FSTL4: variants seen among roughly 807,000 people sequenced by gnomAD.
FSTL4 encodes follistatin-related protein 4.
In FSTL4, 28 loss-of-function variants were observed where a neutral mutation model predicts 78.2. The ratio of observed to expected loss-of-function variants is 0.36; its 90% confidence interval spans 0.27 to 0.49. The LOEUF (loss-of-function observed/expected upper bound fraction) is 0.49. Among genes scored for constraint, FSTL4 ranks in the 20% least tolerant of loss-of-function variants. The probability of loss-of-function intolerance (pLI) is 0.98; values close to 1 mark genes in which losing one functional copy is unlikely to be tolerated. For synonymous variants in FSTL4, 422 were observed against 440.5 expected (o/e 0.96, Z 0.53); for missense variants, 922 against 1,084.9 (o/e 0.85, Z 2.11).
intron 3 of FSTL4, among the ~76,000 whole-genome samples, chr5:133,497,300 G>A (rs1405842475): frequency 6.6e-6 from 1 of 152,182 alleles, no homozygotes; most frequent in African/African-American, 2.4e-5. Context: ...ACCTTGAGAT[G>A]GTCACCTTCC....
chr5:133,592,592 T>C (rs1345947572), intron 2 of FSTL4, among the ~76,000 whole-genome samples: 2 of 152,152 alleles, frequency 1.3e-5, no homozygotes, highest in Non-Finnish European at 2.9e-5. Flanking sequence ...ACCCTCAGTG[T>C]TGGGGGTGAG....
In FSTL4 at chr5:133,422,293, T is replaced by A. The variant is rs148562032; in HGVS notation, c.161-21307A>T. Reference sequence around the variant, plus strand: ...GTGGTACGATATGATCTATGTTCTTTCAAATGCATGCTGGCTGCTGGGTGG... The same window carrying A: ...GTGGTACGATATGATCTATGTTCTTACAAATGCATGCTGGCTGCTGGGTGG... On this transcript the variant is annotated intron_variant, in intron 3 of 15. Coordinates refer to ENST00000265342, the MANE Select transcript of FSTL4 (RefSeq NM_015082.2). Among the ~76,000 whole-genome samples the A allele has an allele frequency of 9.9e-3, 1,507 of 152,136 alleles. 22 individuals are homozygous for A. The highest frequency in any genetic ancestry group is 0.035 in the African/African-American group (1,445 of 41,468).
chr5:133,827,390 T>C, the FSTL4 span, among the ~76,000 whole-genome samples: 18 of 152,164 alleles, frequency 1.2e-4, no homozygotes, highest in African/African-American at 2.4e-4. Context: ...GGGCAGAGAA[T>C]ATTGACTAAG....
chr5:133,481,102 G>A (rs1286640368), intron 3 of FSTL4, among the ~76,000 whole-genome samples: 1 of 152,224 alleles, frequency 6.6e-6, no homozygotes, highest in African/African-American at 2.4e-5. Flanking sequence ...GCTGTGCACT[G>A]CGCTGTTTAC....
At chr5:133,679,345 G>A in the FSTL4 span, among the ~76,000 whole-genome samples, 1 of 152,174 alleles carries the variant, frequency 6.6e-6, no homozygotes, top group Non-Finnish European at 1.5e-5. Context: ...GACCAGCCAA[G>A]TTCCCAGACA....
intron 12 of FSTL4, among the ~76,000 whole-genome samples, chr5:133,219,676 T>G (rs1199944889): frequency 6.6e-6 from 1 of 152,204 alleles, no homozygotes; most frequent in Non-Finnish European, 1.5e-5. Flanking sequence ...ACCACAGTCT[T>G]ATATTGCCTG....
intron 6 of FSTL4, among the ~76,000 whole-genome samples, chr5:133,290,471 G>T (rs1399849212): frequency 6.6e-6 from 1 of 152,204 alleles, no homozygotes; most frequent in Non-Finnish European, 1.5e-5. Flanking sequence ...TCTTCATCTG[G>T]CATCCCTGCT....
chr5:133,472,572 C>T (rs890756850), intron 3 of FSTL4, among the ~76,000 whole-genome samples: 3 of 152,176 alleles, frequency 2.0e-5, no homozygotes, highest in African/African-American at 7.2e-5. Context: ...TTTATTTCAG[C>T]CTGATACCAG....
chr5:133,785,698 G>A, the FSTL4 span, among the ~76,000 whole-genome samples: 1 of 152,232 alleles, frequency 6.6e-6, no homozygotes, highest in Non-Finnish European at 1.5e-5. Flanking sequence ...CCTCAGTGGA[G>A]AACAGAATCG....
At chr5:133,460,225 T>A (rs1757565941) in intron 3 of FSTL4, among the ~76,000 whole-genome samples, 1 of 152,148 alleles carries the variant, frequency 6.6e-6, no homozygotes, top group African/African-American at 2.4e-5. Flanking sequence ...TCATTCTTGC[T>A]TTGTGCGTTT....
the FSTL4 span, among the ~76,000 whole-genome samples, chr5:133,841,374 G>A: frequency 3.3e-5 from 5 of 152,144 alleles, no homozygotes; most frequent in South Asian, 2.1e-4. Flanking sequence ...TGCCATGCAC[G>A]GTATCACCGC....
chr5:133,557,843 G>C (rs1759821655), intron 3 of FSTL4, among the ~76,000 whole-genome samples: 1 of 152,168 alleles, frequency 6.6e-6, no homozygotes. Flanking sequence ...TGAGCTAGTT[G>C]GGTTGGGGTT....
At chr5:133,545,620 G>C (rs559014985) in intron 3 of FSTL4, among the ~76,000 whole-genome samples, 2 of 152,180 alleles carry the variant, frequency 1.3e-5, no homozygotes, top group Non-Finnish European at 2.9e-5. Flanking sequence ...AATGGACTAA[G>C]AGAAAATTGA....
chr5:133,646,049 G>A, the FSTL4 span, among the ~76,000 whole-genome samples: 1 of 152,158 alleles, frequency 6.6e-6, no homozygotes, highest in Non-Finnish European at 1.5e-5. Context: ...GAAAGACATG[G>A]TCCTACCCTC....
the FSTL4 span, among the ~76,000 whole-genome samples, chr5:133,768,565 A>T: frequency 1.3e-5 from 2 of 152,180 alleles, no homozygotes; most frequent in Admixed American, 1.3e-4. Flanking sequence ...TTTTCCCTAT[A>T]CTTTGCAGAA....
the FSTL4 span, among the ~76,000 whole-genome samples, chr5:133,668,924 T>C: frequency 1.3e-5 from 2 of 152,228 alleles, no homozygotes; most frequent in Non-Finnish European, 2.9e-5. Context: ...TTTCCAAGTT[T>C]CATTCACTCT....
At chr5:133,839,731 G>A in the FSTL4 span, among the ~76,000 whole-genome samples, 1 of 152,238 alleles carries the variant, frequency 6.6e-6, no homozygotes, top group African/African-American at 2.4e-5. Flanking sequence ...GCGCCCCTTT[G>A]CTGAGTGGTA....
intron 6 of FSTL4, among the ~76,000 whole-genome samples, chr5:133,269,647 C>T (rs957523736): frequency 2.6e-5 from 4 of 152,188 alleles, no homozygotes. Context: ...TGGCCCAAGC[C>T]CTCACTAGAG....
At chr5:133,278,820 A>C (rs1215583757) in intron 6 of FSTL4, among the ~76,000 whole-genome samples, 1 of 152,218 alleles carries the variant, frequency 6.6e-6, no homozygotes, top group African/African-American at 2.4e-5. Flanking sequence ...CCAAGATATT[A>C]GGCAGGCATG....
Sources: gnomAD v4.1 joint callset for allele counts (sites outside exome capture counted in the v4.1 genomes callset) on GRCh38, gnomAD v4.1.1 for gene constraint, MANE v1.5 for transcripts, NCBI Gene and HGNC (gene_info 2026-07-23, HGNC 2026-07-21) for gene names.